The following GABRB1 variants were observed in gnomAD, a reference collection of about 807,000 sequenced individuals.
GABRB1 encodes gamma-aminobutyric acid receptor subunit beta-1.
GABRB1 carries 17 observed loss-of-function variants against 51.6 expected under a neutral mutation model. That is an observed-to-expected ratio of 0.33 (90% CI 0.23 to 0.49). GABRB1 has a LOEUF of 0.49. Ranked by LOEUF, GABRB1 falls within the 20% of genes least tolerant of loss-of-function variation. GABRB1 has a pLI of 0.99. For synonymous variants in GABRB1, 247 were observed against 218.9 expected, an observed-to-expected ratio of 1.13 and a Z score of -1.14; for missense variants, 410 against 600.6, an observed-to-expected ratio of 0.68 and a Z score of 3.32.
At chr4:47,061,209 G>A (rs1726832884) in intron 3 of GABRB1, among the ~76,000 whole-genome samples, 1 of 152,130 alleles carries the variant, frequency 6.6e-6, no homozygotes, top group African/African-American at 2.4e-5. Flanking sequence ...ATTTGATTCT[G>A]TAAAAAGTGA....
chr4:47,054,021 A>T (rs1726473010), intron 3 of GABRB1, among the ~76,000 whole-genome samples: 1 of 152,120 alleles, frequency 6.6e-6, no homozygotes, highest in Non-Finnish European at 1.5e-5. Flanking sequence ...ATTTCTTTAG[A>T]TGAGTAGCTG....
At chr4:47,169,697 T>C (rs1466606244) in intron 4 of GABRB1, among the ~76,000 whole-genome samples, 1 of 152,126 alleles carries the variant, frequency 6.6e-6, no homozygotes, top group South Asian at 2.1e-4. Flanking sequence ...AAACGGGGTT[T>C]CATCATGTTA....
At chr4:47,201,484 C>G (rs6839184) in intron 4 of GABRB1, among the ~76,000 whole-genome samples, 130,737 of 152,064 alleles carry the variant, frequency 0.86, 56,218 homozygotes, top group Middle Eastern at 0.92. Context: ...TTTATTCTTT[C>G]TCATTCTTTG....
intron 3 of GABRB1, among the ~76,000 whole-genome samples, chr4:47,084,459 C>A (rs954749364): frequency 3.3e-5 from 5 of 152,174 alleles, no homozygotes; most frequent in Non-Finnish European, 5.9e-5. Context: ...GGTGCCAAAG[C>A]ATCTTTGGTG....
chr4:47,225,288 G>A (rs148924467), intron 4 of GABRB1, among the ~76,000 whole-genome samples: 1 of 152,260 alleles, frequency 6.6e-6, no homozygotes, highest in African/African-American at 2.4e-5. Flanking sequence ...ATTATAGACA[G>A]AACTTTGTGA....
chr4:47,195,129 G>T (rs567787792), intron 4 of GABRB1, among the ~76,000 whole-genome samples: 15 of 152,260 alleles, frequency 9.9e-5, no homozygotes, highest in Non-Finnish European at 1.8e-4. Context: ...CACTTTGGGA[G>T]GCCGAGGCAG....
intron 4 of GABRB1, among the ~76,000 whole-genome samples, chr4:47,199,516 G>GT (rs1208375325): frequency 2.0e-5 from 3 of 152,112 alleles, no homozygotes; most frequent in African/African-American, 7.2e-5. Flanking sequence ...GACCTACATA[G>GT]TTTTTAAGAA....
intron 4 of GABRB1, among the ~76,000 whole-genome samples, chr4:47,313,043 CATG>C (rs890640288): frequency 6.6e-6 from 1 of 152,170 alleles, no homozygotes; most frequent in Non-Finnish European, 1.5e-5. Flanking sequence ...ACTACAGTGA[CATG>C]ATTTCTGTTC....
chr4:47,326,259 T>C (rs1725259754), intron 5 of GABRB1, among the ~76,000 whole-genome samples: 1 of 152,156 alleles, frequency 6.6e-6, no homozygotes, highest in Non-Finnish European at 1.5e-5. Flanking sequence ...CTTTGATATA[T>C]CTTCAGAAGA....
At chr4:47,260,488 T>G (rs934282210) in intron 4 of GABRB1, among the ~76,000 whole-genome samples, 18 of 152,050 alleles carry the variant, frequency 1.2e-4, no homozygotes, top group African/African-American at 4.3e-4. Context: ...CCATGTTTAG[T>G]GCTTCCTTCA....
intron 3 of GABRB1, among the ~76,000 whole-genome samples, chr4:47,093,356 G>T (rs147676968): frequency 1.4e-3 from 218 of 152,086 alleles, no homozygotes; most frequent in Non-Finnish European, 2.2e-3. Flanking sequence ...TTTTGCTATG[G>T]CTGTCCATTA....
At chr4:47,027,640 ACTT>A (rs984922099), upstream of GABRB1, among the ~76,000 whole-genome samples, 6 of 151,672 alleles carry the variant, frequency 4.0e-5, no homozygotes, top group Non-Finnish European at 7.4e-5. Context: ...GGTTAAAATG[ACTT>A]CTTAAGTTAA....
intron 4 of GABRB1, among the ~76,000 whole-genome samples, chr4:47,308,978 C>T (rs768186921): frequency 1.4e-4 from 21 of 152,106 alleles, no homozygotes; most frequent in Admixed American, 2.0e-4. Context: ...ATAATCAAGA[C>T]GATAAGAATA....
intron 4 of GABRB1, among the ~76,000 whole-genome samples, chr4:47,288,406 G>A (rs1224526938): frequency 6.6e-6 from 1 of 151,978 alleles, no homozygotes; most frequent in African/African-American, 2.4e-5. Flanking sequence ...GGGACTACAG[G>A]TACCTGCCAC....
intron 4 of GABRB1, among the ~76,000 whole-genome samples, chr4:47,268,107 A>G (rs1259239495): frequency 1.3e-5 from 2 of 152,192 alleles, no homozygotes; most frequent in African/African-American, 4.8e-5. Context: ...TCCTGAGATA[A>G]AATGACTCAA....
chr4:47,043,547 T>G (rs554272886), intron 3 of GABRB1, among the ~76,000 whole-genome samples: 154 of 152,194 alleles, frequency 1.0e-3, no homozygotes, highest in African/African-American at 3.6e-3. Flanking sequence ...GTTTGCATAG[T>G]CACTGTTCTG....
intron 5 of GABRB1, among the ~76,000 whole-genome samples, chr4:47,354,415 T>C (rs1489425087): frequency 6.6e-6 from 1 of 152,192 alleles, no homozygotes. Flanking sequence ...CACAAACTCT[T>C]TCTTCTTGAT....
intron 3 of GABRB1, among the ~76,000 whole-genome samples, chr4:47,124,364 G>T (rs1716015556): frequency 6.6e-6 from 1 of 152,048 alleles, no homozygotes; most frequent in Non-Finnish European, 1.5e-5. Flanking sequence ...AGCATGAGAA[G>T]GTCTGTACCT....
chr4:47,170,911 C>T (rs1316324940), intron 4 of GABRB1, among the ~76,000 whole-genome samples: 1 of 152,106 alleles, frequency 6.6e-6, no homozygotes, highest in African/African-American at 2.4e-5. Context: ...GAAAGCTATT[C>T]AAAATGTTCT....
Sources: allele counts gnomAD v4.1 joint callset (sites outside exome capture counted in the v4.1 genomes callset), GRCh38; gene constraint gnomAD v4.1.1; transcripts MANE v1.5; gene names NCBI Gene and HGNC (gene_info 2026-07-23, HGNC 2026-07-21).